Variants in ZNF532 observed in about 807,000 individuals in gnomAD.
ZNF532 encodes the protein zinc finger protein 532.
In ZNF532, 22 loss-of-function variants were observed where a neutral mutation model predicts 89.3. The ratio of observed to expected loss-of-function variants is 0.25; its 90% CI spans 0.18 to 0.35. The LOEUF is 0.35. ZNF532 is among the 10% of genes least tolerant of loss of function. The pLI, the probability that ZNF532 is intolerant of heterozygous loss-of-function variation, is 1.00. For missense variants in ZNF532, 1,132 were observed against 1,643.4 expected, an observed-to-expected ratio of 0.69 and a Z score of 5.38; for synonymous variants, 606 against 649.6, an observed-to-expected ratio of 0.93 and a Z score of 1.02.
At chr18:58,944,487 C>A (rs1391391097) in intron 5 of ZNF532, among the ~76,000 whole-genome samples, 1 of 152,048 alleles carries the variant, frequency 6.6e-6, no homozygotes, top group African/African-American at 2.4e-5. Context: ...CTGCACAACT[C>A]TAAAGCACCC....
At chr18:58,927,593 C>T (rs1359951124) in intron 3 of ZNF532, among the ~76,000 whole-genome samples, 1 of 152,024 alleles carries the variant, frequency 6.6e-6, no homozygotes, top group African/African-American at 2.4e-5. Context: ...CCTTTCACTC[C>T]ACCTTTCAGA....
chr18:58,866,192 A>C (rs910484941), intron 2 of ZNF532, among the ~76,000 whole-genome samples: 2 of 152,228 alleles, frequency 1.3e-5, no homozygotes, highest in South Asian at 2.1e-4. Context: ...GAAGCCGGGT[A>C]GTCTGGCTTC....
At chr18:58,904,425 A>G (rs977256633) in intron 2 of ZNF532, among the ~76,000 whole-genome samples, 1 of 152,126 alleles carries the variant, frequency 6.6e-6, no homozygotes, top group Admixed American at 6.6e-5. Flanking sequence ...TGATTAAAAA[A>G]AGCTAAATGT....
chr18:58,951,796 C>A (rs1222403540), intron 6 of ZNF532, among the ~76,000 whole-genome samples: 1 of 152,028 alleles, frequency 6.6e-6, no homozygotes, highest in Non-Finnish European at 1.5e-5. Flanking sequence ...ACTACAGGCA[C>A]CTGCCACCAT....
chr18:58,875,929 A>ATTT (rs2057385501), intron 2 of ZNF532, among the ~76,000 whole-genome samples: 1 of 100,182 alleles, frequency 1.0e-5, no homozygotes, highest in Admixed American at 1.0e-4. Flanking sequence ...TCACTTGGGG[A>ATTT]TCTTTTTTTT....
intron 2 of ZNF532, among the ~76,000 whole-genome samples, chr18:58,887,325 T>C (rs1221665103): frequency 6.6e-6 from 1 of 152,248 alleles, no homozygotes; most frequent in Non-Finnish European, 1.5e-5. Context: ...AATGTACATT[T>C]TGTTTTCTGA....
intron 2 of ZNF532, among the ~76,000 whole-genome samples, chr18:58,899,259 G>A (rs1413082364): frequency 6.6e-6 from 1 of 152,290 alleles, no homozygotes; most frequent in East Asian, 1.9e-4. Context: ...AAAAATACAA[G>A]ATGCTCAGAT....
At chr18:58,929,743 C>A (rs1025100043) in intron 3 of ZNF532, among the ~76,000 whole-genome samples, 1 of 152,190 alleles carries the variant, frequency 6.6e-6, no homozygotes, top group African/African-American at 2.4e-5. Flanking sequence ...AAAACCAGCA[C>A]AACCAACTAG....
At chr18:58,871,783 A>G (rs1384585683) in intron 2 of ZNF532, among the ~76,000 whole-genome samples, 1 of 152,234 alleles carries the variant, frequency 6.6e-6, no homozygotes, top group Non-Finnish European at 1.5e-5. Flanking sequence ...AGAGCAGGGC[A>G]TCTGTATTTG....
At chr18:58,964,356 C>A (rs1170411149) in intron 7 of ZNF532, 1 of 152,132 alleles carries the variant, frequency 6.6e-6, no homozygotes, top group Non-Finnish European at 1.5e-5. Context: ...GTTGCATGTT[C>A]TCTTCTATCT....
At chr18:58,921,573 T>C (rs1456845169) in intron 3 of ZNF532, among the ~76,000 whole-genome samples, 1 of 152,222 alleles carries the variant, frequency 6.6e-6, no homozygotes, top group East Asian at 1.9e-4. Context: ...AGAATACCTT[T>C]GTGTGTGTTT....
In ZNF532 at chr18:58,920,333, A is replaced by G; in HGVS notation, c.2046A>G (p.Leu682=). Residue 682 remains leucine (L), a synonymous_variant, in exon 3 of 10, where the codon TTA becomes TTG. Transcript: ENST00000591808. ...TAATGCAATGCTCCCACTTAATTTT[A>G]AAGCCAGTCCCAGCAGATCAAATGA... ...GVVMQCSHLI[L]KPVPADQMIV... The G allele has an allele frequency of 6.2e-7, 1 of 1,614,012 alleles. No individual in the cohort carries two copies. Among genetic ancestry groups the G allele is most frequent in the Non-Finnish European group, 8.5e-7 (1 of 1,179,872 alleles).
chr18:58,985,069 G>A lies in ZNF532; in HGVS notation c.*603G>A, dbSNP rs565145602. ...CTTTGTCTTCAGGCCATGCCGAAGG[G>A]TGTTTAAAGCAGTCTTGCAGGTCGC... On this transcript the variant is annotated 3_prime_UTR_variant, in exon 10 of 10. Transcript: ENST00000591808. 10 of 152,504 alleles carry A rather than the reference G, an allele frequency of 6.6e-5. No individual in the cohort carries two copies. Among genetic ancestry groups the A allele is most frequent in the African/African-American group, 1.2e-4 (5 of 41,438 alleles). The allele number at this position is 152,504 out of a possible 1,614,324, so 9.4% of individuals were successfully genotyped here.
intron 2 of ZNF532, among the ~76,000 whole-genome samples, chr18:58,869,996 GACCTTGTGATCCGCCCGCCTCA>G (rs1421938390): frequency 6.6e-6 from 1 of 150,648 alleles, no homozygotes; most frequent in Non-Finnish European, 1.5e-5. Context: ...TCGAACTCCT[GACCTTGTGATCCGCCCGCCTCA>G]ACCTCCCAGA....
In ZNF532 at chr18:58,951,929, G is replaced by T. The variant is rs564829818; in HGVS notation, c.2869-1589G>T. Among the ~76,000 whole-genome samples the T allele has an allele frequency of 3.3e-5, 5 of 152,220 alleles. No homozygotes were observed. In the South Asian group the frequency reaches 6.2e-4, roughly 19 times the overall value. ...CTCCCAAAGTGCTGGGATTACAGGC[G>T]TGAGCCACTGCGCGTGGCCCACCTC... On this transcript the variant is annotated intron_variant, in intron 6 of 9. Coordinates refer to ENST00000591808, the MANE Select transcript of ZNF532 (RefSeq NM_001375912.1).
intron 2 of ZNF532, among the ~76,000 whole-genome samples, chr18:58,870,782 A>C (rs1602470344): frequency 6.6e-6 from 1 of 151,974 alleles, no homozygotes; most frequent in African/African-American, 2.4e-5. Flanking sequence ...TTGGAGGAGT[A>C]AGGCTGCTTC....
At chr18:58,879,389 GTGGCGAC>G (rs768520432) in intron 2 of ZNF532, among the ~76,000 whole-genome samples, 1 of 152,176 alleles carries the variant, frequency 6.6e-6, no homozygotes, top group Non-Finnish European at 1.5e-5. Context: ...GACAATGCAA[GTGGCGAC>G]TGCCTTTTTC....
chr18:58,974,494 C>T (rs1046046607), intron 7 of ZNF532, among the ~76,000 whole-genome samples: 2 of 152,218 alleles, frequency 1.3e-5, no homozygotes, highest in African/African-American at 4.8e-5. Context: ...AACTTGAACA[C>T]AGTGACTTCT....
intron 3 of ZNF532, chr18:58,934,191 G>C: frequency 4.9e-6 from 2 of 410,290 alleles, no homozygotes; most frequent in Non-Finnish European, 8.7e-6. Flanking sequence ...TGCTGAAACA[G>C]GTGTTTTTAG....
Sources: gnomAD v4.1 joint callset for allele counts (sites outside exome capture counted in the v4.1 genomes callset) on GRCh38, gnomAD v4.1.1 for gene constraint, MANE v1.5 for transcripts, NCBI Gene and HGNC (gene_info 2026-07-23, HGNC 2026-07-21) for gene names.